The following ASPG variants were observed in gnomAD, a reference collection of about 807,000 sequenced individuals.
ASPG encodes the protein 60 kDa lysophospholipase.
A neutral mutation model predicts 63.2 loss-of-function variants in ASPG; 53 were observed. The ratio of observed to expected loss-of-function variants is 0.84; its 90% CI spans 0.67 to 1.05. The LOEUF (loss-of-function observed/expected upper bound fraction) is 1.05. ASPG is among the 50% of genes least tolerant of loss of function. The probability of loss-of-function intolerance (pLI) is 0.00; values close to 1 mark genes in which losing one functional copy is unlikely to be tolerated. For synonymous variants in ASPG, 370 were observed against 355.0 expected, an observed-to-expected ratio of 1.04 and a Z score of -0.48; for missense variants, 741 against 794.4, an observed-to-expected ratio of 0.93 and a Z score of 0.81.
chr14:104,095,322 G>A (rs1232011946), intron 3 of ASPG, among the ~76,000 whole-genome samples: 1 of 152,174 alleles, frequency 6.6e-6, no homozygotes, highest in Non-Finnish European at 1.5e-5. Context: ...CACCCGAGTG[G>A]CATGGAAGCC....
intron 13 of ASPG, chr14:104,111,080 T>G (rs562840290): frequency 1.0e-6 from 1 of 985,330 alleles, no homozygotes; most frequent in East Asian, 1.1e-4. Flanking sequence ...CGGTGTGTTG[T>G]GTAACACGAA....
intron 7 of ASPG, 31 bp downstream of exon 7, chr14:104,103,706 C>T: frequency 6.5e-7 from 1 of 1,528,968 alleles, no homozygotes; most frequent in Non-Finnish European, 8.8e-7. Context: ...CCTGCCCCTG[C>T]AGCCCTGAGC....
chr14:104,092,535 C>A, intron 1 of ASPG, 98 bp from the exon 2 acceptor site: 1 of 989,740 alleles, frequency 1.0e-6, no homozygotes, highest in Non-Finnish European at 1.5e-6. Context: ...AAGACCGGAG[C>A]CCCATCCCAC....
In ASPG at chr14:104,091,662, G is replaced by A. The variant is rs1014259653; in HGVS notation, c.83-971G>A. Among the ~76,000 whole-genome samples, 1 of 152,146 alleles carries A rather than the reference G, an allele frequency of 6.6e-6. No individual in the cohort carries two copies. The highest frequency in any genetic ancestry group is 1.5e-5 in the Non-Finnish European group (1 of 68,032). The stretch of plus-strand genomic sequence containing the variant: ...TGTCAGGGAGGGGTGCGGCTGGAGG[G>A]ATATTAGAGGGGGCTGCTTTAACTT... On this transcript the variant is annotated intron_variant, in intron 1 of 15. Transcript: ENST00000551177. The surrounding 1 kb of genome is among the most constrained non-coding windows in gnomAD (Gnocchi z 6.4).
In ASPG at chr14:104,109,085, CT is replaced by C. The variant is rs2037273862; in HGVS notation, c.1434-142del. 6.8e-7 allele frequency: 1 copy of C among 1,478,402 alleles called. No homozygotes were observed. The highest frequency in any genetic ancestry group is 9.0e-7 in the Non-Finnish European group (1 of 1,115,332). 91.6% of individuals were successfully genotyped at this position (1,478,402 alleles called of 1,614,324 possible). A position where few individuals can be genotyped will look rare whatever the true frequency, so the allele number is the denominator to read the frequency against. On this transcript the variant is annotated intron_variant, in intron 12 of 15. Coordinates refer to ENST00000551177, the MANE Select transcript of ASPG (RefSeq NM_001080464.3). The surrounding 1 kb of genome is among the most constrained non-coding windows in gnomAD (Gnocchi z 4.8). Reference sequence around the variant, plus strand: ...TAGGCAGAGGATGGGGGGATGGGCCCTTGTCTGAGGCTAGGGCTGTGGGGTC... The same window carrying C: ...TAGGCAGAGGATGGGGGGATGGGCCCTGTCTGAGGCTAGGGCTGTGGGGTC...
At chr14:104,101,181 C>T (rs986581645) in intron 6 of ASPG, among the ~76,000 whole-genome samples, 2 of 152,148 alleles carry the variant, frequency 1.3e-5, no homozygotes, top group African/African-American at 4.8e-5. Context: ...AAACTGATGC[C>T]GGGCTGCCGG....
chr14:104,104,285 C>G lies in ASPG; in HGVS notation c.754-19C>G. 6.2e-7 allele frequency: 1 copy of G among 1,604,206 alleles called. No homozygotes were observed. The highest frequency in any genetic ancestry group is 8.5e-7 in the Non-Finnish European group (1 of 1,174,586). On this transcript the variant is annotated intron_variant, in intron 7 of 15. Transcript: ENST00000551177. ...GGCAGAGACCCTCACCATCCAGCCC[C>G]CACCCCACCGCCCCACAGGTTCGGG...
At chr14:104,101,746 G>A (rs2036886433) in intron 6 of ASPG, among the ~76,000 whole-genome samples, 1 of 152,052 alleles carries the variant, frequency 6.6e-6, no homozygotes, top group Non-Finnish European at 1.5e-5. Context: ...TCTGTGCACT[G>A]GGAGAAGCCA....
chr14:104,092,815 C>A, intron 2 of ASPG, 74 bp downstream of exon 2: 2 of 1,299,452 alleles, frequency 1.5e-6, no homozygotes, highest in Non-Finnish European at 2.1e-6. Context: ...CTGGGCACTG[C>A]TGGCCAGGCC....
At position 104,103,703 on chromosome 14, in the gene ASPG, C is replaced by T. The variant is rs1047761749; in HGVS notation, c.753+28C>T. ...AGGGACCGCCCCGGCCATCCTGCCC[C>T]TGCAGCCCTGAGCCCCAGCCCTCTG... is the stretch of plus-strand genomic sequence containing the variant. On this transcript the variant is annotated intron_variant, in intron 7 of 15. Coordinates refer to ENST00000551177, the MANE Select transcript of ASPG (RefSeq NM_001080464.3). 4 of 1,534,320 alleles carry T rather than the reference C, an allele frequency of 2.6e-6. No homozygotes were observed. In the African/African-American group the frequency reaches 5.5e-5, roughly 21 times the overall value.
In ASPG at chr14:104,112,481, C is replaced by T. The variant is rs761741755; in HGVS notation, c.1702-43C>T. The T allele has an allele frequency of 8.9e-6, 10 of 1,125,066 alleles. No homozygotes were observed. The South Asian group carries it at 1.1e-4, about 13-fold the overall frequency. The allele number at this position is 1,125,066 out of a possible 1,614,324, so 69.7% of individuals were successfully genotyped here. A position where few individuals can be genotyped will look rare whatever the true frequency, so the allele number is the denominator to read the frequency against. On this transcript the variant is annotated intron_variant, in intron 15 of 15. Coordinates refer to ENST00000551177, the MANE Select transcript of ASPG (RefSeq NM_001080464.3). ...GGCTTGTCTCTCTGCCCTGCCTTCG[C>T]ACTCTACCTGGGTGTCCTTCTCAGG...
At chr14:104,100,906 C>T (rs2036846316) in intron 6 of ASPG, among the ~76,000 whole-genome samples, 1 of 152,220 alleles carries the variant, frequency 6.6e-6, no homozygotes, top group Admixed American at 6.5e-5. Flanking sequence ...CTGATTCACA[C>T]CTTATCTGGG....
At chr14:104,107,817 C>T (rs146067509) in intron 12 of ASPG, among the ~76,000 whole-genome samples, 234 of 152,320 alleles carry the variant, frequency 1.5e-3, no homozygotes, top group African/African-American at 5.3e-3. Context: ...TGTGCCCCTG[C>T]GTGGGGGGCG....
chr14:104,097,095 G>C (rs549669450), intron 4 of ASPG, among the ~76,000 whole-genome samples: 1 of 152,280 alleles, frequency 6.6e-6, no homozygotes, highest in African/African-American at 2.4e-5. Context: ...AGTTCTGCTG[G>C]GGTAGCGAGG....
chr14:104,093,678 TGTGGGTGGGGCTGTGGAGA>T (rs2036460736), intron 3 of ASPG, 76 bp downstream of exon 3: 62 of 918,932 alleles, frequency 6.7e-5, no homozygotes, highest in Non-Finnish European at 8.1e-5. Flanking sequence ...GGCTGTGGTG[TGTGGGTGGGGCTGTGGAGA>T]GTGGGCAGGG....
At chr14:104,085,935 C>G in intron 1 of ASPG, 83 bp downstream of exon 1, 1 of 1,322,296 alleles carries the variant, frequency 7.6e-7, no homozygotes, top group South Asian at 1.4e-5. Flanking sequence ...CCACGGGGGT[C>G]GTTGGGGAGT....
chr14:104,107,812 C>G (rs1422374876), intron 12 of ASPG, among the ~76,000 whole-genome samples: 2 of 152,228 alleles, frequency 1.3e-5, no homozygotes, highest in African/African-American at 4.8e-5. Context: ...GTGCCTGTGC[C>G]CCTGCGTGGG....
At position 104,110,146 on chromosome 14, in the gene ASPG, C is replaced by T. The variant is rs370970415; in HGVS notation, c.1520+831C>T. Reference sequence around the variant, plus strand: ...AAAAGGAGAGTCGGAGGCAGGAGACCTGGGCCGGGTGCAGGTGGTGGCTGG... The same window carrying T: ...AAAAGGAGAGTCGGAGGCAGGAGACTTGGGCCGGGTGCAGGTGGTGGCTGG... On this transcript the variant is annotated intron_variant, in intron 13 of 15. Coordinates refer to ENST00000551177, the MANE Select transcript of ASPG (RefSeq NM_001080464.3). The surrounding 1 kb of genome is among the most constrained non-coding windows in gnomAD (Gnocchi z 4.7). 6.6e-5 allele frequency: 65 copies of T among 985,170 alleles called. 2 individuals carry two copies. The South Asian group carries it at 2.8e-3, about 42-fold the overall frequency. The allele number at this position is 985,170 out of a possible 1,614,324, so 61.0% of individuals were successfully genotyped here.
rs151037391 is a variant in ASPG at position 104,112,877 on chromosome 14, A to G, written c.*333A>G. On this transcript the variant is annotated 3_prime_UTR_variant, in exon 16 of 16. Transcript: ENST00000551177. ...GGGCAGGGTGGGGTGCATGGACGTG[A>G]CTTGGCCAAGTGGTCCTTTCCCAGC... The G allele has an allele frequency of 6.2e-3, 2,287 of 366,352 alleles. 19 individuals are homozygous for G. Among genetic ancestry groups the G allele is most frequent in the African/African-American group, 0.023 (1,113 of 48,032 alleles). 22.7% of individuals were successfully genotyped at this position (366,352 alleles called of 1,614,324 possible).
Sources: allele counts gnomAD v4.1 joint callset (sites outside exome capture counted in the v4.1 genomes callset), GRCh38; gene constraint gnomAD v4.1.1; non-coding constraint Gnocchi (gnomAD v3.1); transcripts MANE v1.5; gene names NCBI Gene and HGNC (gene_info 2026-07-23, HGNC 2026-07-21).